SETBP1: variants seen among roughly 807,000 people sequenced by gnomAD.
The protein encoded by SETBP1 is SET-binding protein.
In SETBP1, 9 loss-of-function variants were observed where a neutral mutation model predicts 101.0. The ratio of observed to expected loss-of-function variants is 0.09; its 90% CI spans 0.05 to 0.16. SETBP1 has a LOEUF of 0.16. Among genes scored for constraint, SETBP1 ranks in the 10% least tolerant of loss-of-function variants. The pLI is 1.00. For missense variants in SETBP1, 1,858 were observed against 2,033.8 expected, an observed-to-expected ratio of 0.91 and a Z score of 1.66; for synonymous variants, 818 against 788.5, an observed-to-expected ratio of 1.04 and a Z score of -0.63.
chr18:44,969,642 AT>A (rs1449054038), intron 4 of SETBP1, among the ~76,000 whole-genome samples: 8 of 152,192 alleles, frequency 5.3e-5, no homozygotes, highest in Non-Finnish European at 1.2e-4. Flanking sequence ...GTTTGACTTT[AT>A]TTGTGAAACC....
chr18:45,045,330 G>A (rs1483457575), intron 5 of SETBP1, among the ~76,000 whole-genome samples: 5 of 152,182 alleles, frequency 3.3e-5, no homozygotes, highest in Admixed American at 2.6e-4. Context: ...GCTGAGGCAA[G>A]AGAATCACTT....
intron 4 of SETBP1, among the ~76,000 whole-genome samples, chr18:44,981,967 G>T (rs2072123219): frequency 1.3e-5 from 2 of 152,168 alleles, no homozygotes; most frequent in Admixed American, 1.3e-4. Context: ...GTTCAAAAGT[G>T]CCATATACAT....
chr18:44,794,209 A>G (rs1295616548), intron 2 of SETBP1, among the ~76,000 whole-genome samples: 1 of 152,228 alleles, frequency 6.6e-6, no homozygotes, highest in Non-Finnish European at 1.5e-5. Flanking sequence ...AAAATAGCTA[A>G]GATTGCAGCC....
At chr18:44,916,953 C>T (rs756669984) in intron 3 of SETBP1, among the ~76,000 whole-genome samples, 2 of 152,204 alleles carry the variant, frequency 1.3e-5, no homozygotes, top group Non-Finnish European at 2.9e-5. Flanking sequence ...CCAAATAAGC[C>T]GCTTCCCTGG....
chr18:44,857,183 T>C (rs887934634), intron 2 of SETBP1, among the ~76,000 whole-genome samples: 2 of 152,222 alleles, frequency 1.3e-5, no homozygotes, highest in Non-Finnish European at 2.9e-5. Flanking sequence ...GAAAGAACAG[T>C]GAGAGATGAG....
intron 2 of SETBP1, among the ~76,000 whole-genome samples, chr18:44,774,822 CTG>C (rs1338882616): frequency 6.6e-6 from 1 of 152,096 alleles, no homozygotes; most frequent in African/African-American, 2.4e-5. Context: ...AGACAAATGA[CTG>C]TACCCTCTCA....
chr18:44,795,469 C>T (rs2071456011), intron 2 of SETBP1, among the ~76,000 whole-genome samples: 1 of 152,154 alleles, frequency 6.6e-6, no homozygotes, highest in East Asian at 1.9e-4. Context: ...GGTTTACTGA[C>T]TAAGAGTAGC....
chr18:44,747,623 A>C (rs956963654), intron 2 of SETBP1, among the ~76,000 whole-genome samples: 1 of 152,316 alleles, frequency 6.6e-6, no homozygotes, highest in South Asian at 2.1e-4. Context: ...TGTTTCCTAC[A>C]TTTCCCATGA....
At chr18:44,917,378 T>A (rs1217074064) in intron 3 of SETBP1, among the ~76,000 whole-genome samples, 1 of 152,124 alleles carries the variant, frequency 6.6e-6, no homozygotes, top group Non-Finnish European at 1.5e-5. Flanking sequence ...TATTTGGGAG[T>A]GTTTCCAGCT....
intron 2 of SETBP1, among the ~76,000 whole-genome samples, chr18:44,770,865 A>C (rs2070857046): frequency 6.6e-6 from 1 of 152,162 alleles, no homozygotes. Flanking sequence ...GCCTGAGAAC[A>C]GAAGGTGGAG....
chr18:44,780,926 T>C (rs2071116737), intron 2 of SETBP1, among the ~76,000 whole-genome samples: 1 of 152,242 alleles, frequency 6.6e-6, no homozygotes, highest in Non-Finnish European at 1.5e-5. Flanking sequence ...AACAGAGTGA[T>C]GAGAAATCTG....
rs2145101146 is a variant in SETBP1 at position 44,951,211 on chromosome 18, A to G, written c.1871A>G (p.Lys624Arg). 6.2e-7 allele frequency: 1 copy of G among 1,614,078 alleles called. No homozygotes were observed. The highest frequency in any genetic ancestry group is 1.1e-5 in the South Asian group (1 of 91,074). The change falls in exon 4 of 6, where the codon AAG becomes AGG. Residue 624 changes from lysine (K) to arginine (R), a missense_variant. Physicochemically the swap from Lys to Arg is conservative, Grantham distance 26 (BLOSUM62 2). Coordinates refer to ENST00000649279, the MANE Select transcript of SETBP1 (RefSeq NM_015559.3). The surrounding 1 kb of genome is among the most constrained non-coding windows in gnomAD (Gnocchi z 7.8). ...GAGTTTCCTGGCACTAAGAAAAGAAAGCGACGACGCAATTTAGCGAAGTTG... is the reference window on the plus strand; with the variant it reads ...GAGTTTCCTGGCACTAAGAAAAGAAGGCGACGACGCAATTTAGCGAAGTTG... Reference protein sequence around the residue: ...SREFPGTKKRKRRRNLAKLAQ... With the variant: ...SREFPGTKKRRRRRNLAKLAQ...
chr18:44,859,759 A>G (rs2068962180), intron 2 of SETBP1, among the ~76,000 whole-genome samples: 2 of 152,204 alleles, frequency 1.3e-5, no homozygotes, highest in Admixed American at 6.5e-5. Flanking sequence ...CAAGAGTTCA[A>G]GGTGGGCTTT....
chr18:44,820,546 T>C (rs2062001156), intron 2 of SETBP1, among the ~76,000 whole-genome samples: 1 of 152,158 alleles, frequency 6.6e-6, no homozygotes, highest in South Asian at 2.1e-4. Context: ...TCTTTTCTCC[T>C]TTACAAACTG....
chr18:45,043,363 T>TCTCACACA (rs1555649571), intron 5 of SETBP1, among the ~76,000 whole-genome samples: 1 of 149,472 alleles, frequency 6.7e-6, no homozygotes, highest in Non-Finnish European at 1.5e-5. Context: ...TCTCTCTCTC[T>TCTCACACA]CTCACACACT....
At chr18:44,982,439 TA>T (rs1161406644) in intron 4 of SETBP1, among the ~76,000 whole-genome samples, 1 of 152,258 alleles carries the variant, frequency 6.6e-6, no homozygotes, top group East Asian at 1.9e-4. Context: ...ATTCCCTGCC[TA>T]AACTCTTTTT....
intron 3 of SETBP1, among the ~76,000 whole-genome samples, chr18:44,878,649 C>T (rs2069463266): frequency 6.6e-6 from 1 of 152,162 alleles, no homozygotes. Context: ...AGTTCCAAAT[C>T]TCCCTCTTCA....
At chr18:44,885,297 G>T (rs925269774) in intron 3 of SETBP1, among the ~76,000 whole-genome samples, 1 of 152,098 alleles carries the variant, frequency 6.6e-6, no homozygotes, top group Non-Finnish European at 1.5e-5. Flanking sequence ...AATAGATTTG[G>T]CAAAGGCAGA....
chr18:44,779,290 C>T (rs1371188483), intron 2 of SETBP1, among the ~76,000 whole-genome samples: 15 of 152,088 alleles, frequency 9.9e-5, no homozygotes, highest in Non-Finnish European at 2.9e-5. Context: ...GCACTTGGTG[C>T]GGGTATTGGA....
Sources: allele counts gnomAD v4.1 joint callset (sites outside exome capture counted in the v4.1 genomes callset), GRCh38; gene constraint gnomAD v4.1.1; non-coding constraint Gnocchi (gnomAD v3.1); transcripts MANE v1.5; gene names NCBI Gene and HGNC (gene_info 2026-07-23, HGNC 2026-07-21).